The following ZNF845 variants were observed in gnomAD, a reference collection of about 807,000 sequenced individuals.
ZNF845 encodes zinc finger protein 845.
A neutral mutation model predicts 76.1 loss-of-function variants in ZNF845; 59 were observed. The observed-to-expected ratio is 0.78, with a 90% CI of 0.63 to 0.96. The LOEUF (loss-of-function observed/expected upper bound fraction) is 0.96, where lower values mean the gene tolerates loss of function less well. Ranked by LOEUF, ZNF845 falls within the 40% of genes least tolerant of loss-of-function variation. The pLI is 0.00. For synonymous variants in ZNF845, 361 were observed against 386.9 expected (o/e 0.93, Z 0.78); for missense variants, 1,045 against 1,172.8 (o/e 0.89, Z 1.59).
intron 1 of ZNF845, among the ~76,000 whole-genome samples, chr19:53,338,542 A>T (rs2085232251): frequency 6.7e-6 from 1 of 149,122 alleles, no homozygotes; most frequent in Non-Finnish European, 1.5e-5. Flanking sequence ...TCTGTTCCGG[A>T]GCAGCTGGAG....
At chr19:53,347,606 T>C (rs1424395197) in intron 3 of ZNF845, among the ~76,000 whole-genome samples, 1 of 152,222 alleles carries the variant, frequency 6.6e-6, no homozygotes, top group African/African-American at 2.4e-5. Context: ...CTCACAGTTT[T>C]TAAAACATGT....
chr19:53,334,440 A>G (rs3206244), intron 1 of ZNF845, among the ~76,000 whole-genome samples: 9 of 152,194 alleles, frequency 5.9e-5, no homozygotes, highest in South Asian at 2.1e-4. Context: ...ACAGATGGCA[A>G]AGTAGAGGAT....
intron 1 of ZNF845, among the ~76,000 whole-genome samples, chr19:53,336,679 A>G (rs1432277172): frequency 7.1e-5 from 2 of 28,332 alleles, no homozygotes; most frequent in East Asian, 6.1e-4. Context: ...GATAAATCTT[A>G]GTTTTAAATA....
Position 53,353,889 on chromosome 19 carries a change from AT to A in ZNF845, c.*302del. ...TTCAGTAACACTACAACCGTTTCAA[AT>A]CATTGGAGAATCCATAATGAGAGAT... is the stretch of plus-strand genomic sequence containing the variant. On this transcript the variant is annotated 3_prime_UTR_variant, in exon 4 of 4. Transcript: ENST00000458035. 1 of 1,087,356 alleles carries A rather than the reference AT, an allele frequency of 9.2e-7. No homozygotes were observed. Among genetic ancestry groups the A allele is most frequent in the East Asian group, 2.7e-5 (1 of 37,318 alleles). The allele number at this position is 1,087,356 out of a possible 1,614,324, so 67.4% of individuals were successfully genotyped here.
At chr19:53,340,852 C>T (rs2085251348) in intron 1 of ZNF845, 1 of 370,216 alleles carries the variant, frequency 2.7e-6, no homozygotes, top group East Asian at 3.9e-5. Context: ...TGTTCCTGGG[C>T]CGAGGTTGCT....
chr19:53,342,871 T>C (rs2085266587), intron 2 of ZNF845, among the ~76,000 whole-genome samples: 1 of 151,948 alleles, frequency 6.6e-6, no homozygotes, highest in South Asian at 2.1e-4. Context: ...CACGCTGGAG[T>C]ATAATGGCAT....
chr19:53,344,034 T>C (rs989915502), intron 2 of ZNF845, among the ~76,000 whole-genome samples: 33 of 151,744 alleles, frequency 2.2e-4, no homozygotes, highest in African/African-American at 7.5e-4. Flanking sequence ...TGGAGTGCAA[T>C]GGTGAGATTT....
chr19:53,337,068 C>A (rs1599966572), intron 1 of ZNF845: 2 of 456,450 alleles, frequency 4.4e-6, no homozygotes, highest in East Asian at 1.4e-4. Context: ...GCCCTGTGTC[C>A]AGGGCCCCTG....
Position 53,356,065 on chromosome 19 carries a change from A to T in ZNF845, c.*2477A>T, listed in dbSNP as rs897810340. 1 of 152,202 alleles carries T rather than the reference A, an allele frequency of 6.6e-6. No individual in the cohort carries two copies. The highest frequency in any genetic ancestry group is 2.4e-5 in the African/African-American group (1 of 41,448). The allele number at this position is 152,202 out of a possible 1,614,324, so 9.4% of individuals were successfully genotyped here. A position where few individuals can be genotyped will look rare whatever the true frequency, so the allele number is the denominator to read the frequency against. On this transcript the variant is annotated 3_prime_UTR_variant, in exon 4 of 4. Transcript: ENST00000458035. The stretch of plus-strand genomic sequence containing the variant: ...GTCTTCAAGAAGTTCATGGAAAAAT[A>T]CATATTATGAAAAATTTGTGCATAA...
intron 3 of ZNF845, chr19:53,346,502 G>A (rs10418781): frequency 0.022 from 5,415 of 243,532 alleles, 295 homozygotes; most frequent in African/African-American, 0.11. Flanking sequence ...CTAGCGTGGC[G>A]AAATTCTGTC....
At position 53,352,835 on chromosome 19, in the gene ZNF845, G is replaced by A; in HGVS notation, c.2160G>A (p.Lys720=). Residue 720 remains lysine (K), a synonymous_variant, in exon 4 of 4, where the codon AAG becomes AAA. Transcript: ENST00000458035. ...KAIHTGEKPY[K]CNECGKAFSQ... ...TTCATACTGGAGAGAAACCTTACAA[G>A]TGTAATGAGTGTGGCAAGGCCTTCA... 1.2e-6 allele frequency: 2 copies of A among 1,613,808 alleles called. No individual in the cohort carries two copies. The highest frequency in any genetic ancestry group is 1.7e-6 in the Non-Finnish European group (2 of 1,179,946).
intron 2 of ZNF845, among the ~76,000 whole-genome samples, chr19:53,343,096 A>G (rs1452787608): frequency 2.0e-5 from 3 of 151,986 alleles, no homozygotes; most frequent in East Asian, 1.9e-4. Context: ...TGGGATTGCA[A>G]GCGTGATCCA....
Position 53,354,180 on chromosome 19 carries a change from C to G in ZNF845, c.*592C>G. Reference sequence around the variant, plus strand: ...TGGACAGAAATCTTACAAATGTCATCAGTGTGGCAAGGTCTTCAGTCTGAG... The same window carrying G: ...TGGACAGAAATCTTACAAATGTCATGAGTGTGGCAAGGTCTTCAGTCTGAG... On this transcript the variant is annotated 3_prime_UTR_variant, in exon 4 of 4. Transcript: ENST00000458035. 3 of 702,294 alleles carry G rather than the reference C, an allele frequency of 4.3e-6. No homozygotes were observed. The highest frequency in any genetic ancestry group is 7.1e-6 in the Non-Finnish European group (3 of 420,552). 43.5% of individuals were successfully genotyped at this position (702,294 alleles called of 1,614,324 possible).
intron 1 of ZNF845, among the ~76,000 whole-genome samples, chr19:53,336,855 G>A (rs1043181417): frequency 1.3e-5 from 2 of 152,078 alleles, no homozygotes; most frequent in Admixed American, 6.5e-5. Flanking sequence ...AGTTCAGATC[G>A]AGGTCTGCAT....
At position 53,352,732 on chromosome 19, in the gene ZNF845, C is replaced by T. The variant is rs754418476; in HGVS notation, c.2057C>T (p.Thr686Ile). ...CTTACATGCCATCGTAGACTTCATACTGGAGAGAAACCTTACAAGTGTAAT... is the reference window on the plus strand; with the variant it reads ...CTTACATGCCATCGTAGACTTCATATTGGAGAGAAACCTTACAAGTGTAAT... Reference protein sequence around the residue: ...SYLTCHRRLHTGEKPYKCNEC... With the variant: ...SYLTCHRRLHIGEKPYKCNEC... The change falls in exon 4 of 4, where the codon ACT (threonine) becomes ATT (isoleucine). Residue 686 changes from threonine to isoleucine, a missense_variant. Coordinates refer to ENST00000458035, the MANE Select transcript of ZNF845 (RefSeq NM_138374.3). 2.9e-5 allele frequency: 46 copies of T among 1,613,948 alleles called. No homozygotes were observed. The highest frequency in any genetic ancestry group is 3.8e-5 in the Non-Finnish European group (45 of 1,180,012).
intron 1 of ZNF845, among the ~76,000 whole-genome samples, chr19:53,339,056 C>T (rs976084442): frequency 6.6e-6 from 1 of 152,094 alleles, no homozygotes; most frequent in Non-Finnish European, 1.5e-5. Context: ...GCCGAGATCG[C>T]GCCATTGCAC....
chr19:53,335,301 C>T (rs1392526103), intron 1 of ZNF845, among the ~76,000 whole-genome samples: 5 of 152,112 alleles, frequency 3.3e-5, no homozygotes, highest in Non-Finnish European at 1.5e-5. Context: ...GGCTCTGTCG[C>T]CCAGGCTGGG....
intron 2 of ZNF845, among the ~76,000 whole-genome samples, chr19:53,342,621 G>A (rs1036383749): frequency 3.9e-5 from 6 of 151,950 alleles, no homozygotes; most frequent in African/African-American, 9.7e-5. Flanking sequence ...CAAATCTCGC[G>A]CGTCTGTATT....
At chr19:53,337,013 A>C in intron 1 of ZNF845, 1 of 439,260 alleles carries the variant, frequency 2.3e-6, no homozygotes. Flanking sequence ...CCTCTGGTCC[A>C]TGTGGACAAA....
Sources: allele counts gnomAD v4.1 joint callset (sites outside exome capture counted in the v4.1 genomes callset), GRCh38; gene constraint gnomAD v4.1.1; transcripts MANE v1.5; gene names NCBI Gene and HGNC (gene_info 2026-07-23, HGNC 2026-07-21).